Variants in CHN2 observed in about 807,000 individuals in gnomAD.
The protein encoded by CHN2 is beta-chimaerin.
In CHN2, 35 loss-of-function variants were observed where a neutral mutation model predicts 56.3. That is an observed-to-expected ratio of 0.62 (90% CI 0.47 to 0.82). The LOEUF (loss-of-function observed/expected upper bound fraction) is 0.82, where lower values mean the gene tolerates loss of function less well. Ranked by LOEUF, CHN2 falls within the 40% of genes least tolerant of loss-of-function variation. The pLI, the probability that CHN2 is intolerant of heterozygous loss-of-function variation, is 0.00. For missense variants in CHN2, 491 were observed against 580.5 expected (o/e 0.85, Z 1.58); for synonymous variants, 210 against 212.8 (o/e 0.99, Z 0.12).
chr7:29,351,455 C>T (rs1401113506), intron 1 of CHN2, among the ~76,000 whole-genome samples: 2 of 152,158 alleles, frequency 1.3e-5, no homozygotes, highest in East Asian at 1.9e-4. Flanking sequence ...AACAAACCAA[C>T]AAATCAATAA....
rs544823309 is a variant in CHN2, at chr7:29,263,801, G to A, written c.49+68811G>A. ...AGTGCCTCTGCCCGGCTGCGACCCC[G>A]TCTGGGAGGTGAGGGGCGTCTCTGA... On this transcript the variant is annotated intron_variant, in intron 1 of 12. Coordinates refer to ENST00000222792, the MANE Select transcript of CHN2 (RefSeq NM_004067.4). Among the ~76,000 whole-genome samples, 165 of 151,246 alleles carry A rather than the reference G, an allele frequency of 1.1e-3. 1 individual carries two copies. The highest frequency in any genetic ancestry group is 2.0e-3 in the Non-Finnish European group (133 of 67,818).
At chr7:29,352,377 GTGTC>G (rs1311765112) in intron 1 of CHN2, among the ~76,000 whole-genome samples, 6 of 151,654 alleles carry the variant, frequency 4.0e-5, no homozygotes, top group African/African-American at 1.5e-4. Flanking sequence ...GTATGTGTGT[GTGTC>G]TCTATTTATC....
At chr7:29,357,006 T>C (rs1473735775) in intron 2 of CHN2, among the ~76,000 whole-genome samples, 8 of 152,228 alleles carry the variant, frequency 5.3e-5, no homozygotes, top group Non-Finnish European at 8.8e-5. Context: ...AGCGAAAAGA[T>C]GGCATTGGCT....
At chr7:29,187,585 G>A (rs535623701) in intron 2 of CHN2, among the ~76,000 whole-genome samples, 2 of 152,126 alleles carry the variant, frequency 1.3e-5, no homozygotes, top group African/African-American at 4.8e-5. Context: ...TTAGCTGGGT[G>A]TTGTGGTGTA....
At chr7:29,213,942 A>G (rs886298643) in intron 1 of CHN2, among the ~76,000 whole-genome samples, 8 of 152,186 alleles carry the variant, frequency 5.3e-5, no homozygotes, top group Admixed American at 5.2e-4. Flanking sequence ...CACACAAGCA[A>G]TAATTGCGCT....
At chr7:29,367,257 T>G (rs948008905) in intron 2 of CHN2, among the ~76,000 whole-genome samples, 1 of 152,190 alleles carries the variant, frequency 6.6e-6, no homozygotes, top group African/African-American at 2.4e-5. Context: ...CCTTCCTCCT[T>G]GCCTAAGCCT....
chr7:29,482,108 G>A lies in CHN2; in HGVS notation c.654+1752G>A, dbSNP rs574948605. 1.1e-4 allele frequency among the ~76,000 whole-genome samples: 16 copies of A among 152,154 alleles called. No homozygotes were observed. The South Asian group carries it at 3.3e-3, about 32-fold the overall frequency. ...CTAACACAATATATTACTTATCACTGGAAAACACCAGCAGCTCTTCTAATA... is the reference window on the plus strand; with the variant it reads ...CTAACACAATATATTACTTATCACTAGAAAACACCAGCAGCTCTTCTAATA... On this transcript the variant is annotated intron_variant, in intron 7 of 12. Coordinates refer to ENST00000222792, the MANE Select transcript of CHN2 (RefSeq NM_004067.4).
At chr7:29,507,749 G>GGAA (rs1790752929) in intron 11 of CHN2, among the ~76,000 whole-genome samples, 3 of 151,208 alleles carry the variant, frequency 2.0e-5, no homozygotes, top group Admixed American at 6.6e-5. Context: ...AAGAATGATT[G>GGAA]TCTTGGGCCA....
chr7:29,303,511 GTTA>G (rs1793889415), intron 1 of CHN2, among the ~76,000 whole-genome samples: 1 of 152,160 alleles, frequency 6.6e-6, no homozygotes, highest in South Asian at 2.1e-4. Flanking sequence ...CACCTGGGAG[GTTA>G]TTATTCACTC....
intron 6 of CHN2, among the ~76,000 whole-genome samples, chr7:29,471,328 G>A (rs1786010017): frequency 6.6e-6 from 1 of 152,152 alleles, no homozygotes; most frequent in South Asian, 2.1e-4. Flanking sequence ...TCCTCTATGA[G>A]GTGGAGTATC....
intron 1 of CHN2, among the ~76,000 whole-genome samples, chr7:29,265,094 CTT>C (rs1479752110): frequency 2.0e-5 from 3 of 152,280 alleles, no homozygotes; most frequent in Non-Finnish European, 4.4e-5. Context: ...AGTCTAGAGA[CTT>C]TGAAGGAATA....
intron 6 of CHN2, among the ~76,000 whole-genome samples, chr7:29,475,743 G>T (rs773107243): frequency 6.6e-6 from 1 of 152,218 alleles, no homozygotes; most frequent in African/African-American, 2.4e-5. Context: ...AACATGCTAA[G>T]TGAAATATCT....
rs879462124 is a variant in CHN2 at position 29,398,063 on chromosome 7, G to C, written c.177-310G>C. 2.2e-3 allele frequency: 488 copies of C among 222,648 alleles called. 15 individuals are homozygous for C. The highest frequency in any genetic ancestry group is 0.02 in the Admixed American group (372 of 18,254). The allele number at this position is 222,648 out of a possible 1,614,324, so 13.8% of individuals were successfully genotyped here. Reference sequence around the variant, plus strand: ...ATTTCCCATGGTTAAAAAAAAGGGGGGGGGGGGGCGGTGGTTGAGTAACCT... The same window carrying C: ...ATTTCCCATGGTTAAAAAAAAGGGGCGGGGGGGGCGGTGGTTGAGTAACCT... On this transcript the variant is annotated intron_variant, in intron 4 of 12. Coordinates refer to ENST00000222792, the MANE Select transcript of CHN2 (RefSeq NM_004067.4).
intron 1 of CHN2, among the ~76,000 whole-genome samples, chr7:29,306,484 C>T (rs1474665956): frequency 6.6e-6 from 1 of 152,086 alleles, no homozygotes; most frequent in Non-Finnish European, 1.5e-5. Flanking sequence ...TGTGAGGTGT[C>T]ACTTAAGAGA....
At chr7:29,469,328 A>C (rs10272160) in intron 6 of CHN2, among the ~76,000 whole-genome samples, 61,520 of 152,018 alleles carry the variant, frequency 0.4, 14,496 homozygotes, top group African/African-American at 0.67. Context: ...TAGCCCCCCT[A>C]CAGTCATCAA....
chr7:29,174,141 T>C (rs1270700119), intron 2 of CHN2, among the ~76,000 whole-genome samples: 10 of 149,226 alleles, frequency 6.7e-5, no homozygotes, highest in Non-Finnish European at 1.3e-4. Flanking sequence ...GACCCCCCCG[T>C]TTGGTGGCAC....
At chr7:29,327,335 GA>G (rs1795887127) in intron 1 of CHN2, among the ~76,000 whole-genome samples, 1 of 152,198 alleles carries the variant, frequency 6.6e-6, no homozygotes, top group Admixed American at 6.5e-5. Flanking sequence ...TAAGGCTCAG[GA>G]GTTTGTGTTT....
Position 29,512,672 on chromosome 7 carries a change from T to G in CHN2, c.1344T>G (p.His448Gln). ...AGGACAGCACCCTGACCACCCTGCA[T>G]GATATGCGGTACCAAAAGCTGATTG... ...PPEDSTLTTL[H>Q]DMRYQKLIVQ... The change falls in exon 13 of 13, where the codon CAT becomes CAG. Residue 448 changes from histidine (H) to glutamine (Q), a missense_variant. His to Gln is a conservative substitution (Grantham distance 24). Transcript: ENST00000222792. 1 of 1,614,202 alleles carries G rather than the reference T, an allele frequency of 6.2e-7. No homozygotes were observed.
At chr7:29,220,374 G>A (rs1430432198) in intron 1 of CHN2, among the ~76,000 whole-genome samples, 3 of 150,862 alleles carry the variant, frequency 2.0e-5, no homozygotes, top group Non-Finnish European at 2.9e-5. Flanking sequence ...AAACAACTGG[G>A]GCTTTTTTTG....
Sources: allele counts gnomAD v4.1 joint callset (sites outside exome capture counted in the v4.1 genomes callset), GRCh38; gene constraint gnomAD v4.1.1; transcripts MANE v1.5; gene names NCBI Gene and HGNC (gene_info 2026-07-23, HGNC 2026-07-21).